ZNF676: variants seen among roughly 807,000 people sequenced by gnomAD.
The protein encoded by ZNF676 is zinc finger protein 676.
ZNF676 carries 4 observed loss-of-function variants against 6.0 expected under a neutral mutation model. The observed-to-expected ratio is 0.67, with a 90% CI of 0.33 to 1.53. The LOEUF (loss-of-function observed/expected upper bound fraction) is 1.53. ZNF676 is among the 40% of genes most tolerant of loss of function. The pLI is 0.06. For missense variants in ZNF676, 644 were observed against 679.7 expected, an observed-to-expected ratio of 0.95 and a Z score of 0.58; for synonymous variants, 198 against 223.1, an observed-to-expected ratio of 0.89 and a Z score of 1.00.
intron 1 of ZNF676, among the ~76,000 whole-genome samples, chr19:22,202,961 T>A (rs902899658): frequency 6.6e-6 from 1 of 152,186 alleles, no homozygotes; most frequent in African/African-American, 2.4e-5. Flanking sequence ...CTCTCTACTC[T>A]CTGAGCACTG....
intron 2 of ZNF676, among the ~76,000 whole-genome samples, chr19:22,186,692 A>C (rs2023844902): frequency 6.6e-6 from 1 of 152,226 alleles, no homozygotes. Context: ...AGGAATATTT[A>C]CCAAGCAAAT....
At chr19:22,233,306 G>T in the ZNF676 span, among the ~76,000 whole-genome samples, 17 of 147,556 alleles carry the variant, frequency 1.2e-4, no homozygotes, top group Admixed American at 1.2e-3. Flanking sequence ...ATCTCACCCG[G>T]CCCAATTTAT....
intron 1 of ZNF676, among the ~76,000 whole-genome samples, chr19:22,214,110 A>G (rs1374243600): frequency 6.6e-6 from 1 of 152,218 alleles, no homozygotes; most frequent in Non-Finnish European, 1.5e-5. Flanking sequence ...GGAAACTGGC[A>G]TTTGGGAATG....
the ZNF676 span, chr19:22,245,180 G>A: frequency 2.6e-5 from 4 of 152,184 alleles, no homozygotes; most frequent in African/African-American, 9.7e-5. Context: ...TCATTTCGGT[G>A]AGAAGCCCAC....
the ZNF676 span, among the ~76,000 whole-genome samples, chr19:22,241,117 TG>T: frequency 6.6e-6 from 1 of 151,854 alleles, no homozygotes; most frequent in African/African-American, 2.4e-5. Context: ...GCTAAGTGCT[TG>T]GCCAAGTGAT....
At chr19:22,231,323 CAACA>C in the ZNF676 span, among the ~76,000 whole-genome samples, 1 of 151,724 alleles carries the variant, frequency 6.6e-6, no homozygotes, top group African/African-American at 2.4e-5. Flanking sequence ...GACAAAGATA[CAACA>C]ATCAAATGAA....
the ZNF676 span, among the ~76,000 whole-genome samples, chr19:22,236,820 G>A: frequency 1.2e-4 from 19 of 152,178 alleles, no homozygotes; most frequent in African/African-American, 4.6e-4. Flanking sequence ...GCCAATGCTG[G>A]AACTCTACAG....
chr19:22,190,843 T>A (rs963626365), intron 2 of ZNF676, among the ~76,000 whole-genome samples: 1 of 151,500 alleles, frequency 6.6e-6, no homozygotes, highest in African/African-American at 2.4e-5. Flanking sequence ...AAAGCAATTA[T>A]AAAGATAAAT....
the ZNF676 span, among the ~76,000 whole-genome samples, chr19:22,254,417 C>A: frequency 4.6e-5 from 7 of 152,106 alleles, no homozygotes; most frequent in African/African-American, 1.7e-4. Flanking sequence ...TACAAGGCCC[C>A]TCATGGGCAG....
rs1463566213 is a variant in ZNF676 at position 22,193,082 on chromosome 19, T to C, written c.64A>G (p.Ile22Val). Residue 22 changes from isoleucine (I) to valine (V), a missense_variant, in exon 2 of 3, where the codon ATT becomes GTT. Ile to Val is a conservative substitution (Grantham distance 29). Around this residue, in one of 5 missense-constraint regions of ZNF676, gnomAD observed 280 missense variants for 269.3 expected, o/e 1.04. Coordinates refer to ENST00000397121, the MANE Select transcript of ZNF676 (RefSeq NM_001001411.3). ...GIAAFKPDLI[I>V]FLEQGKEPWN... ...GGCTCTTTTCCTTGCTCCAGAAAAA[T>C]GATCAGGTCTGGCTTAAAGGCAGCA... 5 of 1,609,128 alleles carry C rather than the reference T, an allele frequency of 3.1e-6. No individual in the cohort carries two copies. The Admixed American group carries it at 5.1e-5, about 16-fold the overall frequency.
At chr19:22,187,780 T>C (rs1410039315) in intron 2 of ZNF676, among the ~76,000 whole-genome samples, 2 of 151,846 alleles carry the variant, frequency 1.3e-5, no homozygotes, top group Non-Finnish European at 2.9e-5. Context: ...AAGAAATGAA[T>C]AAATCCCAGG....
At chr19:22,183,839 T>C (rs1386870181) in intron 2 of ZNF676, among the ~76,000 whole-genome samples, 1 of 152,084 alleles carries the variant, frequency 6.6e-6, no homozygotes, top group Non-Finnish European at 1.5e-5. Flanking sequence ...TAAAATGCAC[T>C]TGACAATGAA....
At chr19:22,194,285 G>A (rs1234122755) in intron 1 of ZNF676, among the ~76,000 whole-genome samples, 1 of 152,104 alleles carries the variant, frequency 6.6e-6, no homozygotes, top group East Asian at 1.9e-4. Context: ...GATCCCTAAT[G>A]CCCCTGCTGC....
the ZNF676 span, among the ~76,000 whole-genome samples, chr19:22,241,446 A>G: frequency 1.3e-5 from 2 of 151,908 alleles, no homozygotes; most frequent in African/African-American, 4.9e-5. Context: ...CCACCTATGG[A>G]TCAGAGCCAC....
At chr19:22,252,660 G>T in the ZNF676 span, among the ~76,000 whole-genome samples, 1 of 152,184 alleles carries the variant, frequency 6.6e-6, no homozygotes. Context: ...CAGAGGACAG[G>T]GTGGAGGATT....
intron 1 of ZNF676, among the ~76,000 whole-genome samples, chr19:22,215,031 A>C (rs2024168389): frequency 2.6e-5 from 3 of 114,096 alleles, no homozygotes; most frequent in African/African-American, 6.8e-5. Flanking sequence ...ACAGAGCGAG[A>C]CTCCATCTCA....
chr19:22,254,656 A>G, the ZNF676 span, among the ~76,000 whole-genome samples: 1 of 152,198 alleles, frequency 6.6e-6, no homozygotes, highest in East Asian at 1.9e-4. Context: ...GCAGGGCCCA[A>G]ACAGATTTGC....
the ZNF676 span, among the ~76,000 whole-genome samples, chr19:22,246,418 A>G: frequency 6.6e-6 from 1 of 152,082 alleles, no homozygotes; most frequent in Non-Finnish European, 1.5e-5. Flanking sequence ...ATATGTCACA[A>G]TACCTCCTGA....
chr19:22,252,554 G>A, the ZNF676 span, among the ~76,000 whole-genome samples: 1 of 152,170 alleles, frequency 6.6e-6, no homozygotes, highest in African/African-American at 2.4e-5. Flanking sequence ...GCTGGGTACA[G>A]CAGTATGTCC....
Sources: gnomAD v4.1 joint callset for allele counts (sites outside exome capture counted in the v4.1 genomes callset) on GRCh38, gnomAD v4.1.1 for gene constraint, gnomAD v4.1.1 regional missense constraint, MANE v1.5 for transcripts, NCBI Gene and HGNC (gene_info 2026-07-23, HGNC 2026-07-21) for gene names.